ZFR: variants seen among roughly 807,000 people sequenced by gnomAD.
ZFR encodes the protein zinc finger RNA-binding protein.
In ZFR, 19 loss-of-function variants were observed where a neutral mutation model predicts 130.7. The ratio of observed to expected loss-of-function variants is 0.15; its 90% CI spans 0.10 to 0.21. The LOEUF (loss-of-function observed/expected upper bound fraction) is 0.21, where lower values mean the gene tolerates loss of function less well. Ranked by LOEUF, ZFR falls within the 10% of genes least tolerant of loss-of-function variation. The pLI is 1.00. For synonymous variants in ZFR, 466 were observed against 456.9 expected, an observed-to-expected ratio of 1.02 and a Z score of -0.25; for missense variants, 872 against 1,321.5, an observed-to-expected ratio of 0.66 and a Z score of 5.27.
intron 14 of ZFR, among the ~76,000 whole-genome samples, 175 bp from the exon 15 acceptor site, chr5:32,385,824 C>T (rs553318768): frequency 6.6e-6 from 1 of 152,070 alleles, no homozygotes; most frequent in African/African-American, 2.4e-5. Flanking sequence ...TAGTCTTACT[C>T]CCTACTTTCA....
intron 11 of ZFR, chr5:32,394,608 ATTTCT>A (rs1387823290): frequency 3.9e-5 from 6 of 152,272 alleles, no homozygotes; most frequent in South Asian, 4.1e-4. Context: ...TGGGTACGTG[ATTTCT>A]TTTGAGGGTG....
chr5:32,370,366 A>T (rs867818493), intron 17 of ZFR, among the ~76,000 whole-genome samples: 1 of 150,212 alleles, frequency 6.7e-6, no homozygotes, highest in African/African-American at 2.5e-5. Context: ...AGACAGACAG[A>T]CAGGCAGGCA....
intron 8 of ZFR, among the ~76,000 whole-genome samples, chr5:32,400,785 T>A (rs1753432181): frequency 6.6e-6 from 1 of 152,088 alleles, no homozygotes; most frequent in Non-Finnish European, 1.5e-5. Context: ...GCCTAAGAGG[T>A]AGAGGCTGCA....
At chr5:32,402,407 T>C (rs1395946312) in intron 8 of ZFR, among the ~76,000 whole-genome samples, 17 of 152,026 alleles carry the variant, frequency 1.1e-4, no homozygotes, top group Non-Finnish European at 2.9e-5. Context: ...TGAAAGCAGC[T>C]TCAGAAAAAG....
chr5:32,424,868 TATC>T (rs1183644377), intron 2 of ZFR, among the ~76,000 whole-genome samples: 1 of 152,198 alleles, frequency 6.6e-6, no homozygotes, highest in East Asian at 1.9e-4. Flanking sequence ...ATGTAAACGT[TATC>T]ATAAATAAGA....
At chr5:32,391,760 G>A (rs533428478) in intron 11 of ZFR, among the ~76,000 whole-genome samples, 22 of 152,092 alleles carry the variant, frequency 1.4e-4, no homozygotes, top group Non-Finnish European at 1.5e-5. Flanking sequence ...GGAATAAGCA[G>A]TGCTTTTTTT....
At chr5:32,397,464 T>C (rs1753340402) in intron 9 of ZFR, 126 bp from the exon 10 acceptor site, 1 of 1,254,908 alleles carries the variant, frequency 8.0e-7, no homozygotes, top group Non-Finnish European at 1.1e-6. Context: ...TACATTTTTT[T>C]TTTCCCCAGG....
rs781339918 is a variant in ZFR at position 32,388,480 on chromosome 5, T to C, written c.2337A>G (p.Gly779=). 7.4e-6 allele frequency: 12 copies of C among 1,613,680 alleles called. No homozygotes were observed. In the Middle Eastern group the frequency reaches 9.9e-4, roughly 133 times the overall value. The change falls in exon 13 of 20, where the codon GGA becomes GGG. Residue 779 remains glycine, a synonymous_variant. Coordinates refer to ENST00000265069, the MANE Select transcript of ZFR (RefSeq NM_016107.5). ...CTTTCAAAACACACCTGTCTTTACC[T>C]CCCTCTTTCTTATCATCTCCCTCTT... ...KNKEGDDKKE[G]GKDRALKGVL... is the part of the protein sequence containing the mutation.
At chr5:32,429,151 A>G (rs1359130627) in intron 2 of ZFR, among the ~76,000 whole-genome samples, 3 of 151,868 alleles carry the variant, frequency 2.0e-5, no homozygotes, top group Admixed American at 2.0e-4. Flanking sequence ...ACGCCCGGCT[A>G]ATTTTTTTGT....
At chr5:32,418,944 C>CT (rs1310381458) in intron 3 of ZFR, among the ~76,000 whole-genome samples, 1 of 152,108 alleles carries the variant, frequency 6.6e-6, no homozygotes, top group Non-Finnish European at 1.5e-5. Flanking sequence ...TCCTATAAGA[C>CT]TGAGTAAGAG....
intron 17 of ZFR, among the ~76,000 whole-genome samples, chr5:32,370,375 C>T (rs976341167): frequency 6.7e-6 from 1 of 148,158 alleles, no homozygotes; most frequent in East Asian, 2.0e-4. Flanking sequence ...GACAGGCAGG[C>T]AGACAGACAG....
intron 14 of ZFR, 107 bp downstream of exon 14, chr5:32,387,442 G>A: frequency 7.4e-7 from 1 of 1,349,160 alleles, no homozygotes; most frequent in Non-Finnish European, 1.0e-6. Flanking sequence ...AGAAAGTCAA[G>A]CCAAAATTTT....
chr5:32,403,304 A>C lies in ZFR; in HGVS notation c.1318T>G (p.Ser440Ala). The C allele has an allele frequency of 6.2e-7, 1 of 1,614,230 alleles. No homozygotes were observed. The highest frequency in any genetic ancestry group is 8.5e-7 in the Non-Finnish European group (1 of 1,180,038). Reference sequence around the variant, plus strand: ...CTTGAAGGAGAGGCAGTCGGCTTTGAAGCAGATACAGCTGTTGAAGAAGTA... The same window carrying C: ...CTTGAAGGAGAGGCAGTCGGCTTTGCAGCAGATACAGCTGTTGAAGAAGTA... ...QATSSTAVSA[S>A]KPTASPSSIA... The change falls in exon 8 of 20, where the codon TCA becomes GCA. Residue 440 changes from serine to alanine, a missense_variant. By Grantham distance (99) the Ser-to-Ala change is moderately conservative (BLOSUM62 1). Transcript: ENST00000265069.
chr5:32,364,754 A>C (rs1311514568), intron 17 of ZFR: 1 of 150,224 alleles, frequency 6.7e-6, no homozygotes, highest in East Asian at 1.9e-4. Context: ...CAAACAAAAA[A>C]ACAAAAAAAA....
intron 7 of ZFR, among the ~76,000 whole-genome samples, 162 bp from the exon 8 acceptor site, chr5:32,403,559 C>G (rs985782522): frequency 3.3e-5 from 5 of 152,130 alleles, no homozygotes; most frequent in Non-Finnish European, 5.9e-5. Flanking sequence ...TCATTACTTT[C>G]AAGATAATCT....
intron 3 of ZFR, among the ~76,000 whole-genome samples, chr5:32,418,104 C>T (rs1405732522): frequency 6.6e-6 from 1 of 151,746 alleles, no homozygotes; most frequent in Non-Finnish European, 1.5e-5. Context: ...ACTAAAAATA[C>T]AAAAAATTAG....
At chr5:32,420,311 T>A (rs71629078) in intron 2 of ZFR, among the ~76,000 whole-genome samples, 44,111 of 151,992 alleles carry the variant, frequency 0.29, 6,884 homozygotes, top group Middle Eastern at 0.44. Flanking sequence ...CTTTTTTTTT[T>A]AAATTTTCAT....
chr5:32,441,108 G>C (rs1754463363), intron 2 of ZFR, among the ~76,000 whole-genome samples: 1 of 152,040 alleles, frequency 6.6e-6, no homozygotes, highest in Non-Finnish European at 1.5e-5. Flanking sequence ...AGAGTAGCTG[G>C]GATTACAGGT....
At chr5:32,380,988 C>G (rs573043764) in intron 15 of ZFR, among the ~76,000 whole-genome samples, 9 of 151,930 alleles carry the variant, frequency 5.9e-5, no homozygotes, top group Non-Finnish European at 1.2e-4. Context: ...CTCTCCCTTC[C>G]GCATGAAAAT....
Sources: gnomAD v4.1 joint callset for allele counts (sites outside exome capture counted in the v4.1 genomes callset) on GRCh38, gnomAD v4.1.1 for gene constraint, MANE v1.5 for transcripts, NCBI Gene and HGNC (gene_info 2026-07-23, HGNC 2026-07-21) for gene names.